Variants in ZFHX3 observed in about 807,000 individuals in gnomAD.
ZFHX3 encodes the protein zinc finger homeobox protein 3.
Under a neutral mutation model 279.1 loss-of-function variants are expected in ZFHX3, and 42 were observed. The ratio of observed to expected loss-of-function variants is 0.15; its 90% CI spans 0.12 to 0.19. The LOEUF (loss-of-function observed/expected upper bound fraction) is 0.19, where lower values mean the gene tolerates loss of function less well. ZFHX3 is among the 10% of genes least tolerant of loss of function. The pLI is 1.00. For synonymous variants in ZFHX3, 2,293 were observed against 1,957.8 expected (o/e 1.17, Z -4.52); for missense variants, 4,981 against 4,754.0 (o/e 1.05, Z -1.40).
intron 4 of ZFHX3, among the ~76,000 whole-genome samples, chr16:73,270,390 T>G (rs76708035): frequency 0.016 from 2,496 of 152,314 alleles, 28 homozygotes; most frequent in Non-Finnish European, 0.026. Flanking sequence ...CCACGACCAC[T>G]GATGTGCGTG....
intron 4 of ZFHX3, among the ~76,000 whole-genome samples, chr16:72,871,651 A>AT (rs2143961395): frequency 6.6e-6 from 1 of 151,838 alleles, no homozygotes; most frequent in African/African-American, 2.4e-5. Flanking sequence ...TTTTAAAAAT[A>AT]TTTTTAGTAG....
intron 2 of ZFHX3, among the ~76,000 whole-genome samples, chr16:73,602,574 G>A (rs1418643909): frequency 6.6e-6 from 1 of 152,130 alleles, no homozygotes; most frequent in Non-Finnish European, 1.5e-5. Flanking sequence ...TCCATGTAAA[G>A]CCTCAACCTC....
At chr16:73,699,395 T>G (rs992615282) in intron 1 of ZFHX3, among the ~76,000 whole-genome samples, 6 of 152,218 alleles carry the variant, frequency 3.9e-5, no homozygotes, top group Non-Finnish European at 8.8e-5. Flanking sequence ...ACCAGTGTTT[T>G]GTGGACTGCC....
intron 1 of ZFHX3, among the ~76,000 whole-genome samples, chr16:72,994,247 G>C (rs968474420): frequency 2.0e-5 from 3 of 152,136 alleles, no homozygotes; most frequent in African/African-American, 4.8e-5. Context: ...TCTTTATGAA[G>C]AAATTATAGA....
intron 1 of ZFHX3, among the ~76,000 whole-genome samples, chr16:73,782,857 T>C (rs1959520558): frequency 6.6e-6 from 1 of 152,228 alleles, no homozygotes; most frequent in African/African-American, 2.4e-5. Context: ...ATATGCACTG[T>C]TTCTTAGGAA....
At chr16:73,889,034 C>T (rs1289037647) in intron 1 of ZFHX3, among the ~76,000 whole-genome samples, 2 of 152,174 alleles carry the variant, frequency 1.3e-5, no homozygotes, top group African/African-American at 4.8e-5. Context: ...TTGGCAATGA[C>T]TGCCCAAGCT....
chr16:73,515,759 G>A (rs1001757716), intron 2 of ZFHX3, among the ~76,000 whole-genome samples: 1 of 152,148 alleles, frequency 6.6e-6, no homozygotes, highest in Non-Finnish European at 1.5e-5. Context: ...AGGAATCTGG[G>A]ACTCTATTTA....
chr16:73,570,942 T>C (rs2051727951), intron 2 of ZFHX3, among the ~76,000 whole-genome samples: 1 of 121,032 alleles, frequency 8.3e-6, no homozygotes, highest in Non-Finnish European at 1.8e-5. Flanking sequence ...CTGCAACCTT[T>C]TCTTCTCAAA....
intron 1 of ZFHX3, among the ~76,000 whole-genome samples, chr16:73,038,483 C>T (rs1285830463): frequency 6.6e-6 from 1 of 152,198 alleles, no homozygotes; most frequent in Non-Finnish European, 1.5e-5. Flanking sequence ...AGAACTAAGC[C>T]ATCCAATATG....
intron 2 of ZFHX3, among the ~76,000 whole-genome samples, chr16:73,579,048 A>T (rs2051829818): frequency 6.6e-6 from 1 of 152,186 alleles, no homozygotes; most frequent in African/African-American, 2.4e-5. Context: ...CTGATAAGAA[A>T]CATTTACAAT....
At chr16:72,791,338 T>G (rs2035691299) in intron 9 of ZFHX3, 1 of 152,226 alleles carries the variant, frequency 6.6e-6, no homozygotes, top group Non-Finnish European at 1.5e-5. Context: ...TGTGTTACGG[T>G]CAGGTGATGA....
chr16:73,447,852 T>C (rs2143551570), intron 3 of ZFHX3, among the ~76,000 whole-genome samples: 1 of 152,320 alleles, frequency 6.6e-6, no homozygotes, highest in African/African-American at 2.4e-5. Flanking sequence ...ATGGCAAACT[T>C]GTCCTCTCAG....
chr16:73,614,774 T>C (rs2052282643), intron 2 of ZFHX3, among the ~76,000 whole-genome samples: 1 of 152,224 alleles, frequency 6.6e-6, no homozygotes, highest in East Asian at 1.9e-4. Flanking sequence ...TTCTTCTTTT[T>C]TTTTGAGACA....
chr16:73,122,353 A>C (rs1015901782), intron 7 of ZFHX3, among the ~76,000 whole-genome samples: 2 of 150,930 alleles, frequency 1.3e-5, no homozygotes, highest in African/African-American at 4.9e-5. Flanking sequence ...CTACAGGTGC[A>C]TGCCAGGCTA....
At chr16:72,999,378 A>T (rs1044863041) in intron 1 of ZFHX3, among the ~76,000 whole-genome samples, 9 of 152,140 alleles carry the variant, frequency 5.9e-5, no homozygotes, top group Non-Finnish European at 1.0e-4. Flanking sequence ...GCTGGTCTCG[A>T]ACTCCTGACC....
intron 4 of ZFHX3, among the ~76,000 whole-genome samples, chr16:73,277,412 G>C (rs2014328920): frequency 1.3e-5 from 2 of 152,138 alleles, no homozygotes; most frequent in South Asian, 2.1e-4. Context: ...TTTAGCTCTA[G>C]GTGTCCTCCC....
chr16:73,720,461 T>C (rs187088444), intron 1 of ZFHX3, among the ~76,000 whole-genome samples: 19 of 152,320 alleles, frequency 1.2e-4, no homozygotes, highest in Middle Eastern at 3.4e-3. Flanking sequence ...GACATAAAAT[T>C]TGGTCCATTC....
intron 3 of ZFHX3, among the ~76,000 whole-genome samples, chr16:73,395,707 C>A (rs1461942359): frequency 6.6e-6 from 1 of 152,022 alleles, no homozygotes; most frequent in African/African-American, 2.4e-5. Context: ...GTTTTTCTTT[C>A]ATAAGTGATT....
chr16:72,966,953 G>A (rs1961871902), intron 1 of ZFHX3, among the ~76,000 whole-genome samples: 2 of 152,210 alleles, frequency 1.3e-5, no homozygotes, highest in African/African-American at 4.8e-5. Flanking sequence ...TGGCCAGGGG[G>A]CTGTATCAGG....
Sources: allele counts gnomAD v4.1 joint callset (sites outside exome capture counted in the v4.1 genomes callset), GRCh38; gene constraint gnomAD v4.1.1; transcripts MANE v1.5; gene names NCBI Gene and HGNC (gene_info 2026-07-23, HGNC 2026-07-21).